The following MFN1 variants were observed in gnomAD, a reference collection of about 807,000 sequenced individuals.
MFN1 encodes mitofusin 1, also known as mitofusin-1.
In MFN1, 65 loss-of-function variants were observed where a neutral mutation model predicts 92.4. The ratio of observed to expected loss-of-function variants is 0.70; its 90% CI spans 0.58 to 0.86. The LOEUF (loss-of-function observed/expected upper bound fraction) is 0.86, where lower values mean the gene tolerates loss of function less well. MFN1 is among the 40% of genes least tolerant of loss of function. The pLI is 0.00. For missense variants in MFN1, 781 were observed against 868.0 expected, an observed-to-expected ratio of 0.90 and a Z score of 1.26; for synonymous variants, 297 against 300.9, an observed-to-expected ratio of 0.99 and a Z score of 0.13.
Position 179,393,788 on chromosome 3 carries a change from A to G in MFN1, c.*1729A>G, listed in dbSNP as rs373844327. ...TGAAAGTACTTAAGCTTGAAAGTTC[A>G]TAATAGTTTGGTATCACCTCATTAG... On this transcript the variant is annotated 3_prime_UTR_variant, in exon 18 of 18. Transcript: ENST00000471841. The G allele has an allele frequency of 2.6e-5, 4 of 152,226 alleles. No individual in the cohort carries two copies. Among genetic ancestry groups the G allele is most frequent in the East Asian group, 3.8e-4 (2 of 5,198 alleles). The allele number at this position is 152,226 out of a possible 1,614,324, so 9.4% of individuals were successfully genotyped here.
At chr3:179,374,246 T>G (rs1040377870) in intron 9 of MFN1, among the ~76,000 whole-genome samples, 34 of 149,936 alleles carry the variant, frequency 2.3e-4, no homozygotes, top group African/African-American at 8.3e-4. Context: ...GAGGTTGCAG[T>G]GAGTCGAGAT....
At chr3:179,373,204 C>T (rs1713090803) in intron 9 of MFN1, among the ~76,000 whole-genome samples, 1 of 152,108 alleles carries the variant, frequency 6.6e-6, no homozygotes, top group African/African-American at 2.4e-5. Flanking sequence ...GTTTTCTCTA[C>T]CTCAAACGAA....
At chr3:179,360,448 G>A (rs181055359) in intron 4 of MFN1, among the ~76,000 whole-genome samples, 2 of 151,652 alleles carry the variant, frequency 1.3e-5, no homozygotes, top group African/African-American at 4.8e-5. Context: ...GGATTATGTA[G>A]TAAGTATATT....
At chr3:179,352,153 A>G in intron 3 of MFN1, 118 bp downstream of exon 3, 3 of 1,063,312 alleles carry the variant, frequency 2.8e-6, no homozygotes, top group Non-Finnish European at 4.0e-6. Context: ...GCCTGTGTTG[A>G]ATGTTAAAGC....
intron 9 of MFN1, 101 bp from the exon 10 acceptor site, chr3:179,375,119 C>CTGTTTGGG: frequency 8.0e-7 from 1 of 1,257,118 alleles, no homozygotes; most frequent in Non-Finnish European, 1.1e-6. Flanking sequence ...ATCTTTATTT[C>CTGTTTGGG]TGTTTGGGTT....
chr3:179,352,004 C>A lies in MFN1; in HGVS notation c.217C>A (p.Arg73=). 6.2e-7 allele frequency: 1 copy of A among 1,601,226 alleles called. No homozygotes were observed. The highest frequency in any genetic ancestry group is 8.5e-7 in the Non-Finnish European group (1 of 1,171,058). ...TTCCATCATTGGTGAGGTGCTATCT[C>A]GGAGACACATGAAGGTGGCATTTTT... The part of the protein sequence containing the change: ...KLSIIGEVLS[R]RHMKVAFFGR... The change falls in exon 3 of 18, where the codon CGG becomes AGG. Residue 73 remains arginine (R), a synonymous_variant. Coordinates refer to ENST00000471841, the MANE Select transcript of MFN1 (RefSeq NM_033540.3).
Position 179,363,545 on chromosome 3 carries a change from G to A in MFN1, c.537-752G>A, listed in dbSNP as rs553666738. On this transcript the variant is annotated intron_variant, in intron 5 of 17. Coordinates refer to ENST00000471841, the MANE Select transcript of MFN1 (RefSeq NM_033540.3). ...CTTGCTGTGTTGCCCAGTCTGGAGT[G>A]CAGTGGTGGGATCATGGCTTATTGC... 4.0e-5 allele frequency among the ~76,000 whole-genome samples: 6 copies of A among 151,542 alleles called. 1 individual carries two copies. The highest frequency in any genetic ancestry group is 3.9e-4 in the East Asian group (2 of 5,162).
intron 3 of MFN1, among the ~76,000 whole-genome samples, chr3:179,355,174 A>G (rs138102488): frequency 0.015 from 2,219 of 152,294 alleles, 59 homozygotes; most frequent in South Asian, 0.11. Flanking sequence ...TATTATATAC[A>G]TATAATATAT....
intron 12 of MFN1, among the ~76,000 whole-genome samples, chr3:179,377,734 G>C (rs1713297533): frequency 6.6e-6 from 1 of 152,086 alleles, no homozygotes; most frequent in African/African-American, 2.4e-5. Context: ...CAGAGTTCGA[G>C]ACCAGCCTGG....
chr3:179,348,835 C>T lies in MFN1; in HGVS notation c.-7-10C>T, dbSNP rs749752882. 1 of 1,605,052 alleles carries T rather than the reference C, an allele frequency of 6.2e-7. No homozygotes were observed. The highest frequency in any genetic ancestry group is 8.5e-7 in the Non-Finnish European group (1 of 1,173,044). On this transcript the variant is annotated splice_polypyrimidine_tract_variant and intron_variant, in intron 1 of 17. Transcript: ENST00000471841. ...TTAGTTGGTGCTTTTCTAACTTTAT[C>T]TCCCTCTAGTAGCATAATGGCAGAA...
At chr3:179,377,543 CA>C (rs1713289881) in intron 12 of MFN1, 95 bp downstream of exon 12, 1 of 689,194 alleles carries the variant, frequency 1.5e-6, no homozygotes, top group African/African-American at 1.8e-5. Flanking sequence ...TGTATCAGTA[CA>C]AAATGAAACT....
intron 1 of MFN1, among the ~76,000 whole-genome samples, chr3:179,348,580 A>G (rs1376090660): frequency 1.3e-5 from 2 of 152,228 alleles, no homozygotes; most frequent in African/African-American, 2.4e-5. Context: ...CTTAGTCACA[A>G]TTAGTTTCGT....
At chr3:179,354,406 C>T (rs1712269256) in intron 3 of MFN1, among the ~76,000 whole-genome samples, 2 of 152,252 alleles carry the variant, frequency 1.3e-5, no homozygotes, top group East Asian at 1.9e-4. Flanking sequence ...GTTCTGCATT[C>T]TTTTATTTTG....
Position 179,385,553 on chromosome 3 carries a change from T to C in MFN1, c.1663-16T>C, listed in dbSNP as rs1377679194. Reference sequence around the variant, plus strand: ...TTTAAGTGTAATCTTTTTTCCTTTCTCTTTTTTTTTGGCAGCTCCCTAGAT... The same window carrying C: ...TTTAAGTGTAATCTTTTTTCCTTTCCCTTTTTTTTTGGCAGCTCCCTAGAT... On this transcript the variant is annotated splice_polypyrimidine_tract_variant and intron_variant, in intron 14 of 17. Transcript: ENST00000471841. 2 of 1,416,044 alleles carry C rather than the reference T, an allele frequency of 1.4e-6. No homozygotes were observed. The highest frequency in any genetic ancestry group is 5.7e-5 in the Admixed American group (2 of 35,130). The allele number at this position is 1,416,044 out of a possible 1,614,324, so 87.7% of individuals were successfully genotyped here.
rs757610987 is a variant in MFN1, at chr3:179,391,997, C to A, written c.2164C>A (p.Leu722Ile). 3.7e-6 allele frequency: 6 copies of A among 1,606,248 alleles called. No homozygotes were observed. Among genetic ancestry groups the A allele is most frequent in the Non-Finnish European group, 5.1e-6 (6 of 1,173,708 alleles). The change falls in exon 18 of 18, where the codon CTT becomes ATT. Residue 722 changes from leucine to isoleucine, a missense_variant. Physicochemically the swap from Leu to Ile is conservative, Grantham distance 5. Coordinates refer to ENST00000471841, the MANE Select transcript of MFN1 (RefSeq NM_033540.3). ...TTTAATTAGAAATAAAGCTGTTCAA[C>A]TTGAAAATGAGCTGGAGAATTTTAC... ...SKLLRNKAVQ[L>I]ENELENFTKQ...
At chr3:179,366,275 A>G (rs1402200225) in intron 7 of MFN1, among the ~76,000 whole-genome samples, 1 of 152,162 alleles carries the variant, frequency 6.6e-6, no homozygotes, top group Non-Finnish European at 1.5e-5. Flanking sequence ...ATTACAAGTT[A>G]AGAATATGTT....
At chr3:179,383,130 T>G (rs1359652676) in intron 14 of MFN1, among the ~76,000 whole-genome samples, 2 of 152,250 alleles carry the variant, frequency 1.3e-5, no homozygotes, top group African/African-American at 4.8e-5. Context: ...GTTTTAGACA[T>G]GAAGTCCTTG....
intron 11 of MFN1, 70 bp from the exon 12 acceptor site, chr3:179,377,274 C>A: frequency 6.6e-7 from 1 of 1,520,746 alleles, no homozygotes; most frequent in Non-Finnish European, 8.9e-7. Context: ...TCAGATTTTT[C>A]AATTTAATTT....
intron 16 of MFN1, among the ~76,000 whole-genome samples, chr3:179,387,472 G>C (rs1374602076): frequency 6.6e-6 from 1 of 151,958 alleles, no homozygotes; most frequent in Non-Finnish European, 1.5e-5. Flanking sequence ...CTTGACCCTG[G>C]AAGGCAGAGG....
Sources: gnomAD v4.1 joint callset for allele counts (sites outside exome capture counted in the v4.1 genomes callset) on GRCh38, gnomAD v4.1.1 for gene constraint, MANE v1.5 for transcripts, NCBI Gene and HGNC (gene_info 2026-07-23, HGNC 2026-07-21) for gene names.